The following ZZZ3 variants were observed in gnomAD, a reference collection of about 807,000 sequenced individuals.
ZZZ3 encodes zinc finger ZZ-type containing 3.
In ZZZ3, 22 loss-of-function variants were observed where a neutral mutation model predicts 95.2. That is an observed-to-expected ratio of 0.23 (90% CI 0.17 to 0.33). ZZZ3 has a LOEUF of 0.33. ZZZ3 is among the 10% of genes least tolerant of loss of function. The pLI, the probability that ZZZ3 is intolerant of heterozygous loss-of-function variation, is 1.00. For synonymous variants in ZZZ3, 335 were observed against 358.9 expected, an observed-to-expected ratio of 0.93 and a Z score of 0.75; for missense variants, 885 against 1,066.5, an observed-to-expected ratio of 0.83 and a Z score of 2.37.
At chr1:77,603,142 G>A (rs924464991) in intron 5 of ZZZ3, among the ~76,000 whole-genome samples, 15 of 151,516 alleles carry the variant, frequency 9.9e-5, no homozygotes, top group Admixed American at 5.9e-4. Context: ...AGTAGGATAC[G>A]ATCATGGCTC....
At chr1:77,606,473 C>T (rs1665245367) in intron 5 of ZZZ3, among the ~76,000 whole-genome samples, 1 of 152,110 alleles carries the variant, frequency 6.6e-6, no homozygotes, top group South Asian at 2.1e-4. Flanking sequence ...ATATAAAGCC[C>T]TAGAGCCTTG....
chr1:77,571,669 G>C (rs530236793), intron 12 of ZZZ3, among the ~76,000 whole-genome samples: 2 of 152,260 alleles, frequency 1.3e-5, no homozygotes, highest in South Asian at 4.1e-4. Context: ...TGGGTGAAAC[G>C]AGCCAGTCAC....
intron 1 of ZZZ3, among the ~76,000 whole-genome samples, chr1:77,651,351 C>T (rs896912496): frequency 1.3e-5 from 2 of 152,038 alleles, no homozygotes; most frequent in African/African-American, 4.8e-5. Flanking sequence ...TGCACCCCAG[C>T]GTGGGCGACA....
intron 1 of ZZZ3, among the ~76,000 whole-genome samples, chr1:77,661,133 A>G (rs549117794): frequency 1.3e-5 from 2 of 151,980 alleles, no homozygotes; most frequent in East Asian, 3.9e-4. Flanking sequence ...AATGGTACAG[A>G]GGCCAGGCGC....
chr1:77,617,466 T>A (rs1308716213), intron 5 of ZZZ3, among the ~76,000 whole-genome samples: 4 of 152,218 alleles, frequency 2.6e-5, no homozygotes, highest in African/African-American at 9.7e-5. Flanking sequence ...CATTCCTTTT[T>A]ACAGTTGAAT....
chr1:77,573,483 A>G (rs1226390026), intron 12 of ZZZ3, among the ~76,000 whole-genome samples: 3 of 152,166 alleles, frequency 2.0e-5, no homozygotes, highest in African/African-American at 7.2e-5. Context: ...CCTCCCATAG[A>G]CGAAAATTTA....
At position 77,632,171 on chromosome 1, in the gene ZZZ3, T is replaced by G. The variant is rs2100846793; in HGVS notation, c.1184A>C (p.Asn395Thr). The G allele has an allele frequency of 6.2e-7, 1 of 1,614,092 alleles. No individual in the cohort carries two copies. Among genetic ancestry groups the G allele is most frequent in the East Asian group, 2.2e-5 (1 of 44,886 alleles). The change falls in exon 5 of 15, where the codon AAC becomes ACC. Residue 395 changes from asparagine to threonine, a missense_variant. Physicochemically the swap from Asn to Thr is moderately conservative, Grantham distance 65. This residue lies in a region of ZZZ3 where 556 missense variants were observed against 652.9 expected (regional missense o/e 0.85). Coordinates refer to ENST00000370801, the MANE Select transcript of ZZZ3 (RefSeq NM_015534.6). ...AAPTRGSPTK[N>T]SSPYRENGQF... Reference sequence around the variant, plus strand: ...TCCATTTTCTCTGTAAGGAGAACTGTTTTTAGTGGGACTACCTCTGGTAGG... The same window carrying G: ...TCCATTTTCTCTGTAAGGAGAACTGGTTTTAGTGGGACTACCTCTGGTAGG...
Position 77,565,626 on chromosome 1 carries a change from T to C in ZZZ3, c.*14A>G, listed in dbSNP as rs201007559. The C allele has an allele frequency of 1.2e-6, 2 of 1,612,106 alleles. No homozygotes were observed. Among genetic ancestry groups the C allele is most frequent in the Admixed American group, 1.7e-5 (1 of 59,830 alleles). On this transcript the variant is annotated 3_prime_UTR_variant, in exon 15 of 15. Transcript: ENST00000370801. Reference sequence around the variant, plus strand: ...TGTGTTGAAGAGGACTAGTAAATGATGTTCTCTTCCATGTCATCTGTTTGC... The same window carrying C: ...TGTGTTGAAGAGGACTAGTAAATGACGTTCTCTTCCATGTCATCTGTTTGC...
At chr1:77,674,565 G>T (rs1341029980) in intron 1 of ZZZ3, among the ~76,000 whole-genome samples, 1 of 152,118 alleles carries the variant, frequency 6.6e-6, no homozygotes, top group African/African-American at 2.4e-5. Flanking sequence ...ATTCACTGAG[G>T]TGTACATTTA....
intron 5 of ZZZ3, among the ~76,000 whole-genome samples, chr1:77,603,463 G>A (rs898002895): frequency 3.3e-5 from 5 of 152,152 alleles, no homozygotes; most frequent in Admixed American, 3.3e-4. Context: ...CAAGCAAAGT[G>A]AAGATTGTAT....
chr1:77,672,029 G>A lies in ZZZ3; in HGVS notation c.-403+10556C>T, dbSNP rs556785032. Among the ~76,000 whole-genome samples the A allele has an allele frequency of 2.3e-3, 347 of 152,294 alleles. 2 individuals carry two copies. The highest frequency in any genetic ancestry group is 3.5e-3 in the Non-Finnish European group (237 of 68,024). Reference sequence around the variant, plus strand: ...ACAGGCACGACCAGAGGGACAATAAGAGATTTCATCAGGATACTCAAAAGG... The same window carrying A: ...ACAGGCACGACCAGAGGGACAATAAAAGATTTCATCAGGATACTCAAAAGG... On this transcript the variant is annotated intron_variant, in intron 1 of 14. Coordinates refer to ENST00000370801, the MANE Select transcript of ZZZ3 (RefSeq NM_015534.6).
intron 1 of ZZZ3, chr1:77,676,925 TAA>T (rs1350571421): frequency 1.3e-5 from 2 of 152,152 alleles, no homozygotes; most frequent in Non-Finnish European, 2.9e-5. Flanking sequence ...CCAGATGAGG[TAA>T]AAACTTAAAT....
intron 9 of ZZZ3, chr1:77,580,432 CTATTT>C (rs1662384602): frequency 6.6e-6 from 1 of 152,142 alleles, no homozygotes; most frequent in African/African-American, 2.4e-5. Flanking sequence ...ACAAAAACAT[CTATTT>C]TATTCTATCC....
intron 12 of ZZZ3, among the ~76,000 whole-genome samples, chr1:77,572,627 T>C (rs1270666047): frequency 6.6e-6 from 1 of 151,864 alleles, no homozygotes; most frequent in Non-Finnish European, 1.5e-5. Flanking sequence ...TGTGAGACAC[T>C]GCGCCCGGCC....
chr1:77,620,023 T>C (rs539886737), intron 5 of ZZZ3, among the ~76,000 whole-genome samples: 1 of 152,142 alleles, frequency 6.6e-6, no homozygotes, highest in African/African-American at 2.4e-5. Flanking sequence ...TTATGGTCTC[T>C]TGTACACATT....
At chr1:77,602,270 T>C (rs990972245) in intron 5 of ZZZ3, among the ~76,000 whole-genome samples, 1 of 152,120 alleles carries the variant, frequency 6.6e-6, no homozygotes, top group Non-Finnish European at 1.5e-5. Flanking sequence ...AGGAAGCAAG[T>C]ATAGGTAAGG....
chr1:77,574,479 C>T (rs1487629154), intron 12 of ZZZ3, among the ~76,000 whole-genome samples: 1 of 152,118 alleles, frequency 6.6e-6, no homozygotes, highest in East Asian at 1.9e-4. Flanking sequence ...AAAAATGTAT[C>T]ATATTTCCCA....
intron 1 of ZZZ3, among the ~76,000 whole-genome samples, chr1:77,644,123 C>T (rs945926540): frequency 5.3e-5 from 8 of 151,222 alleles, no homozygotes; most frequent in South Asian, 2.1e-4. Context: ...TGGAGTGCAA[C>T]GGTGCGATCT....
rs1057040617 is a variant in ZZZ3, at chr1:77,576,536, T to C, written c.2179-316A>G. On this transcript the variant is annotated intron_variant, in intron 11 of 14. Transcript: ENST00000370801. The stretch of plus-strand genomic sequence containing the variant: ...AAATGCTGGCTGCACTGAATTCTTA[T>C]GATCATCTTATAGAAGATCAGACAG... Among the ~76,000 whole-genome samples, 4 of 152,320 alleles carry C rather than the reference T, an allele frequency of 2.6e-5. No individual in the cohort carries two copies. The East Asian group carries it at 5.8e-4, about 22-fold the overall frequency.
Sources: gnomAD v4.1 joint callset for allele counts (sites outside exome capture counted in the v4.1 genomes callset) on GRCh38, gnomAD v4.1.1 for gene constraint, gnomAD v4.1.1 regional missense constraint, MANE v1.5 for transcripts, NCBI Gene and HGNC (gene_info 2026-07-23, HGNC 2026-07-21) for gene names.